Variants in CTNND1 observed in about 807,000 individuals in gnomAD.
CTNND1 encodes the protein catenin delta-1.
A neutral mutation model predicts 112.1 loss-of-function variants in CTNND1; 16 were observed. That is an observed-to-expected ratio of 0.14 (90% CI 0.10 to 0.22). The LOEUF is 0.22. Ranked by LOEUF, CTNND1 falls within the 10% of genes least tolerant of loss-of-function variation. The probability of loss-of-function intolerance (pLI) is 1.00; values close to 1 mark genes in which losing one functional copy is unlikely to be tolerated. For synonymous variants in CTNND1, 420 were observed against 446.5 expected (o/e 0.94, Z 0.75); for missense variants, 1,008 against 1,257.0 (o/e 0.80, Z 3.00).
chr11:57,772,332 G>A (rs1952886419), intron 1 of CTNND1, among the ~76,000 whole-genome samples: 1 of 152,064 alleles, frequency 6.6e-6, no homozygotes, highest in Admixed American at 6.6e-5. Context: ...GACCTGTACA[G>A]TTTCCTTTTG....
In CTNND1 at chr11:57,809,560, A is replaced by G. The variant is rs986316692; in HGVS notation, c.2435+94A>G. On this transcript the variant is annotated intron_variant, in intron 15 of 20. Coordinates refer to ENST00000399050, the MANE Select transcript of CTNND1 (RefSeq NM_001085458.2). ...TTACTAAGAAAGGAAATTTCCCCTT[A>G]TTTACGTGTAATGTGTGAAGAGCTA... 4 of 1,093,708 alleles carry G rather than the reference A, an allele frequency of 3.7e-6. No individual in the cohort carries two copies. The African/African-American group carries it at 6.3e-5, about 17-fold the overall frequency. The allele number at this position is 1,093,708 out of a possible 1,614,324, so 67.8% of individuals were successfully genotyped here.
intron 1 of CTNND1, among the ~76,000 whole-genome samples, chr11:57,762,865 A>C (rs1246880216): frequency 6.6e-6 from 1 of 152,226 alleles, no homozygotes; most frequent in African/African-American, 2.4e-5. Context: ...TTAAAGGGAT[A>C]AGGAAATTCT....
chr11:57,778,963 G>T (rs572311571), intron 1 of CTNND1, among the ~76,000 whole-genome samples: 1 of 152,164 alleles, frequency 6.6e-6, no homozygotes, highest in African/African-American at 2.4e-5. Context: ...GGCCTTTTGC[G>T]TTTTAGCACT....
chr11:57,812,971 G>A (rs1448151273), intron 17 of CTNND1, among the ~76,000 whole-genome samples: 2 of 152,232 alleles, frequency 1.3e-5, no homozygotes, highest in African/African-American at 4.8e-5. Context: ...GAGCTTTCAA[G>A]TGGAAATTGT....
At chr11:57,787,976 C>T (rs2060310847) in intron 1 of CTNND1, among the ~76,000 whole-genome samples, 1 of 152,244 alleles carries the variant, frequency 6.6e-6, no homozygotes. Flanking sequence ...TACACTTTCT[C>T]TTTGCAGCAG....
intron 1 of CTNND1, among the ~76,000 whole-genome samples, chr11:57,771,627 G>C (rs1482488708): frequency 6.6e-6 from 1 of 152,126 alleles, no homozygotes; most frequent in African/African-American, 2.4e-5. Flanking sequence ...TGTATTTTGG[G>C]GGAAGGGGAA....
chr11:57,769,153 A>C (rs956953190), intron 1 of CTNND1, among the ~76,000 whole-genome samples: 1 of 144,794 alleles, frequency 6.9e-6, no homozygotes, highest in Non-Finnish European at 1.5e-5. Flanking sequence ...CTAAAGATAC[A>C]AAAAAAAAAA....
chr11:57,789,971 G>A (rs928619679), intron 2 of CTNND1, among the ~76,000 whole-genome samples: 9 of 152,072 alleles, frequency 5.9e-5, no homozygotes, highest in African/African-American at 2.2e-4. Flanking sequence ...AGTTTTTTGT[G>A]GTTCTGTTAC....
At chr11:57,785,608 G>A (rs373948571) in intron 1 of CTNND1, among the ~76,000 whole-genome samples, 1 of 152,000 alleles carries the variant, frequency 6.6e-6, no homozygotes, top group African/African-American at 2.4e-5. Context: ...GGAGTGCAGC[G>A]GCATGATCTC....
intron 5 of CTNND1, 21 bp from the exon 6 acceptor site, chr11:57,796,436 T>C (rs2061374458): frequency 1.3e-6 from 2 of 1,552,212 alleles, no homozygotes; most frequent in Non-Finnish European, 1.7e-6. Context: ...AGTTTTTCTT[T>C]TTCTTGTTTC....
intron 1 of CTNND1, among the ~76,000 whole-genome samples, chr11:57,768,475 G>A (rs1951696139): frequency 7.4e-6 from 1 of 135,430 alleles, no homozygotes; most frequent in African/African-American, 2.8e-5. Context: ...CTCACTGCAA[G>A]CTCTGCCTCC....
chr11:57,793,494 CTTCT>C (rs531208003), intron 3 of CTNND1, among the ~76,000 whole-genome samples: 5 of 152,262 alleles, frequency 3.3e-5, no homozygotes, highest in Non-Finnish European at 7.4e-5. Flanking sequence ...AGCCATCTTG[CTTCT>C]TTCTTTAAAA....
rs945733613 is a variant in CTNND1, at chr11:57,798,218, G to T, written c.956+1226G>T. ...AAAAATTAGCCGGGTGTTGTGGCTCGTGCCTGTAGTCTCAGCTACTCAGGA... is the reference window on the plus strand; with the variant it reads ...AAAAATTAGCCGGGTGTTGTGGCTCTTGCCTGTAGTCTCAGCTACTCAGGA... On this transcript the variant is annotated intron_variant, in intron 6 of 20. Coordinates refer to ENST00000399050, the MANE Select transcript of CTNND1 (RefSeq NM_001085458.2). Among the ~76,000 whole-genome samples the T allele has an allele frequency of 4.0e-5, 6 of 150,006 alleles. No homozygotes were observed. In the East Asian group the frequency reaches 1.2e-3, roughly 30 times the overall value.
At chr11:57,793,137 T>C (rs1296793659) in intron 3 of CTNND1, 5 of 152,164 alleles carry the variant, frequency 3.3e-5, no homozygotes, top group African/African-American at 1.2e-4. Flanking sequence ...CTGAAAGTAA[T>C]GTTTAACTTC....
intron 6 of CTNND1, 111 bp from the exon 7 acceptor site, chr11:57,801,622 G>A: frequency 1.2e-6 from 1 of 805,782 alleles, no homozygotes; most frequent in Non-Finnish European, 2.0e-6. Context: ...GATAAGATGA[G>A]CACACTGAAA....
chr11:57,816,626 G>A lies in CTNND1; in HGVS notation c.*318G>A, dbSNP rs1277696182. On this transcript the variant is annotated 3_prime_UTR_variant, in exon 21 of 21. Transcript: ENST00000399050. Reference sequence around the variant, plus strand: ...TTTTCCCTGGAACTCCTGGCCTTTTGTGGAGGGGAGGGATGGAGAGAATAG... The same window carrying A: ...TTTTCCCTGGAACTCCTGGCCTTTTATGGAGGGGAGGGATGGAGAGAATAG... 1.3e-5 allele frequency: 6 copies of A among 449,370 alleles called. No homozygotes were observed. In the East Asian group the frequency reaches 2.1e-4, roughly 16 times the overall value. 27.8% of individuals were successfully genotyped at this position (449,370 alleles called of 1,614,324 possible).
chr11:57,796,962 G>A lies in CTNND1; in HGVS notation c.926G>A (p.Gly309Glu), dbSNP rs2061408990. ...MSDYGTARRT[G>E]TPSDPRRRLR... is the part of the protein sequence containing the mutation. ...GATTATGGCACTGCCCGTCGGACTG[G>A]GACACCCTCTGACCCTCGTCGGCGC... The change falls in exon 6 of 21, where the codon GGG (glycine) becomes GAG (glutamate). Residue 309 changes from glycine (G) to glutamate (E), a missense_variant. Gly to Glu is a moderately conservative substitution (Grantham distance 98, BLOSUM62 -2). Coordinates refer to ENST00000399050, the MANE Select transcript of CTNND1 (RefSeq NM_001085458.2). The A allele has an allele frequency of 1.3e-6, 2 of 1,519,068 alleles. No individual in the cohort carries two copies. Among genetic ancestry groups the A allele is most frequent in the East Asian group, 2.3e-5 (1 of 43,584 alleles). 94.1% of individuals were successfully genotyped at this position (1,519,068 alleles called of 1,614,324 possible). A position where few individuals can be genotyped will look rare whatever the true frequency, so the allele number is the denominator to read the frequency against.
At chr11:57,791,704 A>G in intron 3 of CTNND1, 31 bp downstream of exon 3, 5 of 1,501,464 alleles carry the variant, frequency 3.3e-6, no homozygotes, top group Non-Finnish European at 4.5e-6. Flanking sequence ...ACGTGCAGGT[A>G]GGACTTTGGC....
chr11:57,775,369 A>G (rs981705154), intron 1 of CTNND1, among the ~76,000 whole-genome samples: 1 of 151,054 alleles, frequency 6.6e-6, no homozygotes, highest in African/African-American at 2.4e-5. Flanking sequence ...ACACACACAC[A>G]AAACAAGAGA....
Sources: gnomAD v4.1 joint callset for allele counts (sites outside exome capture counted in the v4.1 genomes callset) on GRCh38, gnomAD v4.1.1 for gene constraint, MANE v1.5 for transcripts, NCBI Gene and HGNC (gene_info 2026-07-23, HGNC 2026-07-21) for gene names.